Variants in CLASP2 observed in about 807,000 individuals in gnomAD.
CLASP2 encodes CLIP-associating protein 2.
In CLASP2, 47 loss-of-function variants were observed where a neutral mutation model predicts 194.4. The observed-to-expected ratio is 0.24, with a 90% CI of 0.19 to 0.31. The LOEUF (loss-of-function observed/expected upper bound fraction) is 0.31. Among genes scored for constraint, CLASP2 ranks in the 10% least tolerant of loss-of-function variants. The probability of loss-of-function intolerance (pLI) is 1.00; values close to 1 mark genes in which losing one functional copy is unlikely to be tolerated. For missense variants in CLASP2, 1,445 were observed against 1,823.6 expected (o/e 0.79, Z 3.78); for synonymous variants, 619 against 633.5 (o/e 0.98, Z 0.34).
intron 21 of CLASP2, among the ~76,000 whole-genome samples, chr3:33,589,513 C>T (rs972560089): frequency 6.6e-6 from 1 of 152,008 alleles, no homozygotes; most frequent in Non-Finnish European, 1.5e-5. Context: ...TTACATAATA[C>T]CTTTTTTACA....
At chr3:33,677,881 A>G (rs2089082226) in intron 6 of CLASP2, among the ~76,000 whole-genome samples, 1 of 150,770 alleles carries the variant, frequency 6.6e-6, no homozygotes, top group East Asian at 1.9e-4. Context: ...AAAAAGGAAA[A>G]AAAAAAGTAG....
Position 33,708,506 on chromosome 3 carries a change from G to GTA in CLASP2, c.195+9300_195+9301dup, listed in dbSNP as rs200209597. Among the ~76,000 whole-genome samples, 10 of 58,500 alleles carry GTA rather than the reference G, an allele frequency of 1.7e-4. No homozygotes were observed. The Admixed American group carries it at 2.2e-3, about 13-fold the overall frequency. The allele number at this position is 58,500 out of a possible 152,430, so 38.4% of individuals were successfully genotyped here. ...TGTGTGTATGTATATATATATATAT[G>GTA]TATATATATGTATATATGTATATAT... On this transcript the variant is annotated intron_variant, in intron 1 of 38. Coordinates refer to ENST00000682230, the MANE Select transcript of CLASP2 (RefSeq NM_001365631.1).
intron 6 of CLASP2, among the ~76,000 whole-genome samples, chr3:33,678,605 G>A (rs961962933): frequency 6.6e-6 from 1 of 152,096 alleles, no homozygotes; most frequent in African/African-American, 2.4e-5. Flanking sequence ...AAAGATTGAA[G>A]GAATTTGTTG....
intron 9 of CLASP2, among the ~76,000 whole-genome samples, chr3:33,627,818 A>G (rs1165675129): frequency 1.3e-5 from 2 of 152,172 alleles, no homozygotes; most frequent in Admixed American, 6.6e-5. Context: ...TTGAGCTGAG[A>G]GCTAAAGAAT....
At chr3:33,569,120 A>G (rs2063304897) in intron 26 of CLASP2, among the ~76,000 whole-genome samples, 1 of 152,228 alleles carries the variant, frequency 6.6e-6, no homozygotes, top group African/African-American at 2.4e-5. Context: ...TAAAGCCCTA[A>G]GAAGAGAAAT....
chr3:33,553,486 A>C (rs1464434716), intron 29 of CLASP2, among the ~76,000 whole-genome samples: 1 of 152,224 alleles, frequency 6.6e-6, no homozygotes, highest in African/African-American at 2.4e-5. Flanking sequence ...ATATATAAGA[A>C]ACTCACATGA....
At chr3:33,501,375 T>A (rs2046814827) in intron 38 of CLASP2, among the ~76,000 whole-genome samples, 1 of 152,000 alleles carries the variant, frequency 6.6e-6, no homozygotes, top group East Asian at 1.9e-4. Context: ...TGGTAAGGAG[T>A]CAGCTAACTA....
At chr3:33,506,478 C>T (rs2048259500) in intron 37 of CLASP2, among the ~76,000 whole-genome samples, 1 of 150,756 alleles carries the variant, frequency 6.6e-6, no homozygotes, top group South Asian at 2.1e-4. Context: ...TGAAAGTAAG[C>T]CTTTTTCTTT....
At chr3:33,631,076 T>C (rs1019941674) in intron 9 of CLASP2, among the ~76,000 whole-genome samples, 6 of 152,222 alleles carry the variant, frequency 3.9e-5, no homozygotes, top group Non-Finnish European at 8.8e-5. Flanking sequence ...AAGGACAATT[T>C]TCCTTTCAGA....
At chr3:33,540,833 CACG>C (rs2058229366) in intron 32 of CLASP2, among the ~76,000 whole-genome samples, 1 of 148,990 alleles carries the variant, frequency 6.7e-6, no homozygotes, top group African/African-American at 2.5e-5. Context: ...AGTGCGGTAG[CACG>C]ACATCAGCTC....
intron 25 of CLASP2, among the ~76,000 whole-genome samples, 199 bp downstream of exon 25, chr3:33,572,911 A>AT (rs80341372): frequency 0.15 from 20,376 of 139,530 alleles, 1,553 homozygotes; most frequent in African/African-American, 0.2. Context: ...AGAACAAATA[A>AT]TTTTTTTTTT....
intron 5 of CLASP2, among the ~76,000 whole-genome samples, chr3:33,686,840 T>C (rs561537894): frequency 6.6e-6 from 1 of 152,348 alleles, no homozygotes; most frequent in African/African-American, 2.4e-5. Context: ...AAGTCCCATC[T>C]GTCCTTACTA....
In CLASP2 at chr3:33,608,021, T is replaced by C. The variant is rs1448315897; in HGVS notation, c.1448+546A>G. On this transcript the variant is annotated intron_variant, in intron 14 of 38. Coordinates refer to ENST00000682230, the MANE Select transcript of CLASP2 (RefSeq NM_001365631.1). ...AAGGTAAATACAATGTCTTCCAAGC[T>C]TCAAACTTGAAGTTAATGAGAAATA... Among the ~76,000 whole-genome samples the C allele has an allele frequency of 3.3e-5, 5 of 152,234 alleles. No individual in the cohort carries two copies. The East Asian group carries it at 9.6e-4, about 29-fold the overall frequency.
At chr3:33,628,658 G>A (rs1191063569) in intron 9 of CLASP2, among the ~76,000 whole-genome samples, 1 of 152,102 alleles carries the variant, frequency 6.6e-6, no homozygotes, top group Non-Finnish European at 1.5e-5. Flanking sequence ...CTGAAAGGGG[G>A]TGTCAGGTAA....
intron 32 of CLASP2, among the ~76,000 whole-genome samples, chr3:33,540,414 T>G (rs572422022): frequency 6.6e-6 from 1 of 151,198 alleles, no homozygotes; most frequent in Non-Finnish European, 1.5e-5. Context: ...TTTAAAAAAA[T>G]TTTTTTTTGT....
At chr3:33,644,485 A>G (rs1206213418) in intron 8 of CLASP2, 15 of 419,070 alleles carry the variant, frequency 3.6e-5, no homozygotes, top group Non-Finnish European at 3.5e-5. Context: ...AAAAACCCCA[A>G]AAAACTTCCA....
intron 9 of CLASP2, among the ~76,000 whole-genome samples, chr3:33,627,456 T>C (rs1273012953): frequency 3.3e-5 from 5 of 152,150 alleles, no homozygotes. Context: ...AAAAAGGACA[T>C]GTTATAAGTT....
chr3:33,552,083 T>C (rs895859781), intron 29 of CLASP2, among the ~76,000 whole-genome samples: 2 of 151,736 alleles, frequency 1.3e-5, no homozygotes, highest in African/African-American at 4.8e-5. Context: ...AGACAACACT[T>C]ACGTGGATAA....
chr3:33,603,308 C>G (rs764181262), intron 17 of CLASP2, among the ~76,000 whole-genome samples, 183 bp from the exon 18 acceptor site: 29 of 151,994 alleles, frequency 1.9e-4, no homozygotes, highest in Admixed American at 5.2e-4. Context: ...ACAACTAAGT[C>G]TTCAGCAATT....
Sources: gnomAD v4.1 joint callset for allele counts (sites outside exome capture counted in the v4.1 genomes callset) on GRCh38, gnomAD v4.1.1 for gene constraint, MANE v1.5 for transcripts, NCBI Gene and HGNC (gene_info 2026-07-23, HGNC 2026-07-21) for gene names.